The following XKR9 variants were observed in gnomAD, a reference collection of about 807,000 sequenced individuals.
XKR9 encodes the protein XK-related protein 9.
A neutral mutation model predicts 32.0 loss-of-function variants in XKR9; 32 were observed. The ratio of observed to expected loss-of-function variants is 1.00; its 90% CI spans 0.76 to 1.34. XKR9 has a LOEUF of 1.34. Among genes scored for constraint, XKR9 ranks in the 40% most tolerant of loss-of-function variants. The pLI, the probability that XKR9 is intolerant of heterozygous loss-of-function variation, is 0.00. For synonymous variants in XKR9, 168 were observed against 143.4 expected, an observed-to-expected ratio of 1.17 and a Z score of -1.22; for missense variants, 546 against 429.7, an observed-to-expected ratio of 1.27 and a Z score of -2.39.
At chr8:70,832,565 A>T in the XKR9 span, among the ~76,000 whole-genome samples, 3 of 152,226 alleles carry the variant, frequency 2.0e-5, no homozygotes, top group Admixed American at 2.0e-4. Context: ...GGTTTTCAAC[A>T]TAAAGTATAT....
chr8:71,034,208 G>A, the XKR9 span, among the ~76,000 whole-genome samples: 2 of 152,282 alleles, frequency 1.3e-5, no homozygotes, highest in South Asian at 4.1e-4. Flanking sequence ...CCTCATGGAA[G>A]GTGATTAGAT....
chr8:70,957,921 G>A, the XKR9 span, among the ~76,000 whole-genome samples: 2 of 151,168 alleles, frequency 1.3e-5, no homozygotes, highest in African/African-American at 4.9e-5. Context: ...CTGAGTGGCT[G>A]GAACTACAGA....
chr8:70,811,538 T>C, the XKR9 span, among the ~76,000 whole-genome samples: 1 of 151,986 alleles, frequency 6.6e-6, no homozygotes. Flanking sequence ...ATTGATAGAC[T>C]GGTAGCAAGA....
At chr8:70,751,289 C>A (rs568033957) in intron 2 of XKR9, among the ~76,000 whole-genome samples, 2 of 152,138 alleles carry the variant, frequency 1.3e-5, no homozygotes, top group Non-Finnish European at 2.9e-5. Flanking sequence ...GCTACCATGG[C>A]TGGCTAATTT....
Position 70,775,131 on chromosome 8 carries a change from G to A in XKR9, n.353-14208G>A, listed in dbSNP as rs544140059. On this transcript the variant is annotated intron_variant and non_coding_transcript_variant, in intron 2 of 3. Transcript: ENST00000520273. ...TAAATCTCATCTTCTAATTGTTTAT[G>A]CTGGGATATATCAACATAACTGAGT... Among the ~76,000 whole-genome samples, 3 of 152,066 alleles carry A rather than the reference G, an allele frequency of 2.0e-5. No homozygotes were observed. The South Asian group carries it at 6.2e-4, about 32-fold the overall frequency.
the XKR9 span, among the ~76,000 whole-genome samples, chr8:71,019,904 C>T: frequency 5.9e-5 from 9 of 152,110 alleles, no homozygotes; most frequent in Non-Finnish European, 8.8e-5. Context: ...TCTTAACTGG[C>T]CTGGTAAAGT....
the XKR9 span, among the ~76,000 whole-genome samples, chr8:70,940,213 TTCTC>T: frequency 1.4e-4 from 22 of 152,174 alleles, no homozygotes; most frequent in Non-Finnish European, 2.8e-4. Flanking sequence ...TGAGACTTCT[TTCTC>T]TCTCCAGGTC....
the XKR9 span, among the ~76,000 whole-genome samples, chr8:70,912,409 C>G: frequency 6.6e-6 from 1 of 152,004 alleles, no homozygotes; most frequent in Non-Finnish European, 1.5e-5. Context: ...GGGGCAGAAT[C>G]TAGACACAAT....
At chr8:71,051,529 G>T in the XKR9 span, among the ~76,000 whole-genome samples, 1 of 57,776 alleles carries the variant, frequency 1.7e-5, no homozygotes, top group African/African-American at 4.0e-5. Flanking sequence ...TGGTGGTGGG[G>T]TGTGTGTGTG....
At chr8:70,677,305 C>T (rs1320998160) in intron 2 of XKR9, among the ~76,000 whole-genome samples, 2 of 151,954 alleles carry the variant, frequency 1.3e-5, no homozygotes, top group African/African-American at 4.8e-5. Context: ...ACTACCATGC[C>T]TGGCTAATTT....
intron 2 of XKR9, among the ~76,000 whole-genome samples, chr8:70,755,056 C>G (rs1333568076): frequency 1.3e-5 from 2 of 151,994 alleles, no homozygotes; most frequent in African/African-American, 2.4e-5. Flanking sequence ...TGAACTCAAA[C>G]AAATTTACAA....
At chr8:70,795,094 C>T (rs1426966907), downstream of XKR9, among the ~76,000 whole-genome samples, 1 of 151,698 alleles carries the variant, frequency 6.6e-6, no homozygotes, top group Non-Finnish European at 1.5e-5. Flanking sequence ...AAGCTTAGTA[C>T]CCATTAGTTA....
intron 2 of XKR9, among the ~76,000 whole-genome samples, chr8:70,676,789 C>G (rs1007871057): frequency 3.3e-5 from 5 of 152,106 alleles, no homozygotes; most frequent in African/African-American, 1.2e-4. Flanking sequence ...GTGGGAGGAT[C>G]ACTTGAGCAC....
the XKR9 span, among the ~76,000 whole-genome samples, chr8:70,980,220 G>T: frequency 6.6e-6 from 1 of 152,220 alleles, no homozygotes; most frequent in Non-Finnish European, 1.5e-5. Context: ...TGCTTCCTGG[G>T]TGGGGTGATG....
chr8:71,009,273 A>C, the XKR9 span, among the ~76,000 whole-genome samples: 1 of 152,208 alleles, frequency 6.6e-6, no homozygotes, highest in Non-Finnish European at 1.5e-5. Flanking sequence ...GGCCCAACAG[A>C]AACTCATAAA....
the XKR9 span, among the ~76,000 whole-genome samples, chr8:70,811,191 C>T: frequency 2.0e-5 from 3 of 152,120 alleles, no homozygotes; most frequent in East Asian, 1.9e-4. Flanking sequence ...TGAATGACTA[C>T]TGGGTACATA....
the XKR9 span, among the ~76,000 whole-genome samples, chr8:71,008,178 G>A: frequency 6.6e-6 from 1 of 152,080 alleles, no homozygotes. Context: ...GCAAATCTAG[G>A]CACATCCCTT....
chr8:70,895,293 T>C, the XKR9 span, among the ~76,000 whole-genome samples: 4 of 152,172 alleles, frequency 2.6e-5, no homozygotes, highest in African/African-American at 9.7e-5. Context: ...CCAGGGTTTT[T>C]GTTATGCCTC....
intron 2 of XKR9, among the ~76,000 whole-genome samples, chr8:70,767,711 C>CAGGA (rs912196015): frequency 6.6e-6 from 1 of 151,902 alleles, no homozygotes; most frequent in African/African-American, 2.4e-5. Flanking sequence ...CTGTGTTAGC[C>CAGGA]AGGATGGTCT....
Sources: allele counts gnomAD v4.1 joint callset (sites outside exome capture counted in the v4.1 genomes callset), GRCh38; gene constraint gnomAD v4.1.1; transcripts MANE v1.5; gene names NCBI Gene and HGNC (gene_info 2026-07-23, HGNC 2026-07-21).